The following PDE1C variants were observed in gnomAD, a reference collection of about 807,000 sequenced individuals.
PDE1C encodes phosphodiesterase 1C, also known as dual specificity calcium/calmodulin-dependent 3',5'-cyclic nucleotide phosphodiesterase 1C.
In PDE1C, 62 loss-of-function variants were observed where a neutral mutation model predicts 93.1. That is an observed-to-expected ratio of 0.67 (90% confidence interval 0.54 to 0.82). PDE1C has a LOEUF of 0.82. Among genes scored for constraint, PDE1C ranks in the 40% least tolerant of loss-of-function variants. The probability of loss-of-function intolerance (pLI) is 0.00; values close to 1 mark genes in which losing one functional copy is unlikely to be tolerated. For missense variants in PDE1C, 742 were observed against 884.6 expected, an observed-to-expected ratio of 0.84 and a Z score of 2.04; for synonymous variants, 325 against 310.1, an observed-to-expected ratio of 1.05 and a Z score of -0.50.
At chr7:31,829,874 T>C (rs1459053752) in intron 11 of PDE1C, among the ~76,000 whole-genome samples, 1 of 150,558 alleles carries the variant, frequency 6.6e-6, no homozygotes, top group Non-Finnish European at 1.5e-5. Context: ...GTGTAGATGG[T>C]TTGGTGGGAT....
the PDE1C span, among the ~76,000 whole-genome samples, chr7:31,684,249 G>A: frequency 2.0e-5 from 3 of 152,128 alleles, no homozygotes; most frequent in Non-Finnish European, 4.4e-5. Flanking sequence ...GGAAATCAGG[G>A]ATTCATACTC....
At chr7:31,991,778 T>C (rs150188780) in intron 2 of PDE1C, among the ~76,000 whole-genome samples, 15 of 152,332 alleles carry the variant, frequency 9.8e-5, no homozygotes, top group African/African-American at 3.4e-4. Context: ...AGTAAATACA[T>C]GGCCTAGTGA....
intron 17 of PDE1C, among the ~76,000 whole-genome samples, chr7:31,767,749 C>T (rs1281452767): frequency 6.6e-6 from 1 of 152,172 alleles, no homozygotes; most frequent in Non-Finnish European, 1.5e-5. Context: ...GATGAGGTTT[C>T]CAGCACAGTT....
chr7:31,690,493 TG>T, the PDE1C span, among the ~76,000 whole-genome samples: 3 of 152,242 alleles, frequency 2.0e-5, no homozygotes, highest in African/African-American at 7.2e-5. Context: ...TTAACTTGTG[TG>T]GAGAGGGGGC....
intron 1 of PDE1C, among the ~76,000 whole-genome samples, chr7:32,237,659 C>T (rs1243159881): frequency 6.7e-6 from 1 of 149,384 alleles, no homozygotes; most frequent in Non-Finnish European, 1.5e-5. Flanking sequence ...ACCTACCAAG[C>T]ATTCTTCTAA....
chr7:31,987,400 C>G (rs997253063), intron 2 of PDE1C, among the ~76,000 whole-genome samples: 13 of 152,190 alleles, frequency 8.5e-5, no homozygotes, highest in African/African-American at 3.1e-4. Flanking sequence ...CCTGCCTCAG[C>G]CTCCATTTTC....
In PDE1C at chr7:32,136,990, C is replaced by T. The variant is rs533597489; in HGVS notation, c.308+32795G>A. Among the ~76,000 whole-genome samples, 3 of 152,306 alleles carry T rather than the reference C, an allele frequency of 2.0e-5. No individual in the cohort carries two copies. In the South Asian group the frequency reaches 6.2e-4, roughly 32 times the overall value. ...TTTCTTTTTAAACCCCACATTTATA[C>T]AGCATTGCATTCTTTTTATGCATTC... On this transcript the variant is annotated intron_variant, in intron 3 of 18. Transcript: ENST00000396193.
chr7:32,051,417 T>A (rs1364269077), intron 2 of PDE1C, 137 bp downstream of exon 2: 2 of 799,944 alleles, frequency 2.5e-6, no homozygotes, highest in East Asian at 5.2e-5. Context: ...GCAGTCACGA[T>A]CGGAGATAAA....
At chr7:31,886,194 T>A (rs1175746349) in intron 2 of PDE1C, among the ~76,000 whole-genome samples, 1 of 152,244 alleles carries the variant, frequency 6.6e-6, no homozygotes, top group African/African-American at 2.4e-5. Flanking sequence ...CACACCCATG[T>A]ATTCGAACAG....
intron 3 of PDE1C, among the ~76,000 whole-genome samples, chr7:32,088,797 G>A (rs910449315): frequency 1.3e-5 from 2 of 152,174 alleles, no homozygotes; most frequent in African/African-American, 4.8e-5. Flanking sequence ...GAGGCTGCAA[G>A]GAAATAACCT....
downstream of PDE1C, among the ~76,000 whole-genome samples, chr7:31,748,011 C>T (rs192673408): frequency 5.0e-5 from 7 of 141,340 alleles, no homozygotes; most frequent in East Asian, 1.2e-3. Context: ...CTTACAAAGG[C>T]AGTTTTTGGT....
At chr7:32,335,712 TTTTG>T (rs143519925) in intron 1 of PDE1C, among the ~76,000 whole-genome samples, 54,640 of 151,176 alleles carry the variant, frequency 0.36, 10,498 homozygotes, top group East Asian at 0.54. Context: ...GTTTTTGTTT[TTTTG>T]TTTGTTTGTT....
In PDE1C at chr7:32,358,688, C is replaced by A. The variant is rs200778844; in HGVS notation, c.310+69134G>T. Among the ~76,000 whole-genome samples, 202 of 152,202 alleles carry A rather than the reference C, an allele frequency of 1.3e-3. 3 individuals carry two copies. Among genetic ancestry groups the A allele is most frequent in the East Asian group, 4.4e-3 (23 of 5,182 alleles). ...GTGCAGGGAGTGTTGTAGTCTTCAC[C>A]GTTCTATGAATGAGAACTTACTATT... On this transcript the variant is annotated intron_variant, in intron 1 of 1. Transcript: ENST00000672256.
the PDE1C span, chr7:31,652,743 CCTT>C: frequency 5.1e-5 from 82 of 1,613,816 alleles, no homozygotes; most frequent in Middle Eastern, 1.3e-3. Flanking sequence ...CAGGATGTCT[CCTT>C]CATCATCAGC....
At chr7:31,899,715 T>C (rs1239429785) in intron 2 of PDE1C, among the ~76,000 whole-genome samples, 1 of 152,176 alleles carries the variant, frequency 6.6e-6, no homozygotes. Flanking sequence ...GTGTAAACCC[T>C]TAGTATGAGC....
chr7:31,784,067 T>G (rs1287527128), intron 16 of PDE1C: 1 of 152,150 alleles, frequency 6.6e-6, no homozygotes, highest in Admixed American at 6.5e-5. Flanking sequence ...GCCTCTCTCT[T>G]TTGAGTCTTG....
intron 1 of PDE1C, among the ~76,000 whole-genome samples, chr7:32,318,627 G>A (rs879344334): frequency 6.6e-6 from 1 of 152,200 alleles, no homozygotes; most frequent in Non-Finnish European, 1.5e-5. Flanking sequence ...GGGCAGCGTG[G>A]TGTCTTTTCA....
the PDE1C span, among the ~76,000 whole-genome samples, chr7:31,670,134 A>C: frequency 6.6e-6 from 1 of 152,202 alleles, no homozygotes; most frequent in Non-Finnish European, 1.5e-5. Flanking sequence ...ATTCATATAC[A>C]GGCTGAGTAT....
At chr7:31,682,579 T>A in the PDE1C span, among the ~76,000 whole-genome samples, 4 of 152,148 alleles carry the variant, frequency 2.6e-5, no homozygotes, top group Admixed American at 6.5e-5. Context: ...TCTTATAAAA[T>A]TAAACATGCC....
Sources: gnomAD v4.1 joint callset for allele counts (sites outside exome capture counted in the v4.1 genomes callset) on GRCh38, gnomAD v4.1.1 for gene constraint, MANE v1.5 for transcripts, NCBI Gene and HGNC (gene_info 2026-07-23, HGNC 2026-07-21) for gene names.